CEP63: variants seen among roughly 807,000 people sequenced by gnomAD.
The protein encoded by CEP63 is centrosomal protein of 63 kDa.
In CEP63, 84 loss-of-function variants were observed where a neutral mutation model predicts 89.1. That is an observed-to-expected ratio of 0.94 (90% CI 0.79 to 1.13). The LOEUF (loss-of-function observed/expected upper bound fraction) is 1.13, where lower values mean the gene tolerates loss of function less well. Among genes scored for constraint, CEP63 ranks in the 50% most tolerant of loss-of-function variants. CEP63 has a pLI of 0.00. For synonymous variants in CEP63, 267 were observed against 272.5 expected, an observed-to-expected ratio of 0.98 and a Z score of 0.20; for missense variants, 838 against 813.3, an observed-to-expected ratio of 1.03 and a Z score of -0.37.
chr3:134,651,549 G>A, the CEP63 span: 1 of 992,580 alleles, frequency 1.0e-6, no homozygotes, highest in Non-Finnish European at 1.2e-6. Context: ...CTCCTTCCCT[G>A]GGTTGGTTTT....
At chr3:134,763,414 T>C in the CEP63 span, among the ~76,000 whole-genome samples, 1 of 152,288 alleles carries the variant, frequency 6.6e-6, no homozygotes, top group South Asian at 2.1e-4. Flanking sequence ...CGAATCTGCT[T>C]TTCTCTTATG....
At chr3:134,554,351 GTGATAGTTTAC>G (rs1382849377) in intron 12 of CEP63, among the ~76,000 whole-genome samples, 1 of 148,962 alleles carries the variant, frequency 6.7e-6, no homozygotes, top group African/African-American at 2.5e-5. Context: ...TTTTGTTCTT[GTGATAGTTTAC>G]TGAGAATGAT....
the CEP63 span, among the ~76,000 whole-genome samples, chr3:134,652,659 C>T: frequency 5.3e-4 from 50 of 94,678 alleles, no homozygotes; most frequent in African/African-American, 1.4e-3. Context: ...CACACACACG[C>T]GCGCGCGCAC....
At chr3:134,550,538 G>A (rs1346915492) in intron 11 of CEP63, among the ~76,000 whole-genome samples, 1 of 152,154 alleles carries the variant, frequency 6.6e-6, no homozygotes, top group Non-Finnish European at 1.5e-5. Flanking sequence ...CCTTCCAGAA[G>A]GTGTGATAGC....
the CEP63 span, among the ~76,000 whole-genome samples, chr3:134,655,229 T>A: frequency 6.6e-6 from 1 of 152,316 alleles, no homozygotes; most frequent in Non-Finnish European, 1.5e-5. Flanking sequence ...GTTTCACAGT[T>A]GGAGATGGAG....
At chr3:134,692,009 C>A in the CEP63 span, among the ~76,000 whole-genome samples, 4 of 152,120 alleles carry the variant, frequency 2.6e-5, no homozygotes. Context: ...CATGCCCAGC[C>A]GGCATTCTTT....
the CEP63 span, among the ~76,000 whole-genome samples, chr3:134,685,138 C>T: frequency 6.6e-6 from 1 of 152,200 alleles, no homozygotes; most frequent in South Asian, 2.1e-4. Flanking sequence ...ATGGATTAAA[C>T]TTATAACCTA....
the CEP63 span, among the ~76,000 whole-genome samples, chr3:134,747,937 C>T: frequency 6.6e-6 from 1 of 152,148 alleles, no homozygotes; most frequent in Admixed American, 6.5e-5. Context: ...AGGTGCCCGC[C>T]ACCATGCCCG....
the CEP63 span, among the ~76,000 whole-genome samples, chr3:134,736,569 A>G: frequency 6.6e-6 from 1 of 152,198 alleles, no homozygotes; most frequent in Non-Finnish European, 1.5e-5. Context: ...AACAACAACA[A>G]AAATGTAAGG....
At chr3:134,586,864 A>G (rs979975602) in intron 10 of CEP63, among the ~76,000 whole-genome samples, 1 of 152,056 alleles carries the variant, frequency 6.6e-6, no homozygotes, top group East Asian at 1.9e-4. Flanking sequence ...ACATAGTCCC[A>G]TATTTCTTGT....
chr3:134,561,823 A>C lies in CEP63; in HGVS notation c.*288A>C. 8.2e-7 allele frequency: 1 copy of C among 1,213,214 alleles called. No homozygotes were observed. The highest frequency in any genetic ancestry group is 1.0e-6 in the Non-Finnish European group (1 of 965,668). The allele number at this position is 1,213,214 out of a possible 1,614,324, so 75.2% of individuals were successfully genotyped here. On this transcript the variant is annotated 3_prime_UTR_variant, in exon 15 of 15. Transcript: ENST00000675561. ...AAAGTGATACTTACCTTGCTGACTT[A>C]AATGTGAATAGCTATGTACTAATTG...
chr3:134,526,318 T>A (rs73221342), intron 3 of CEP63, among the ~76,000 whole-genome samples: 44,446 of 151,898 alleles, frequency 0.29, 8,125 homozygotes, highest in East Asian at 0.6. Flanking sequence ...CTATTTTGTC[T>A]GTCAGTGACT....
At chr3:134,640,639 G>A in the CEP63 span, among the ~76,000 whole-genome samples, 15 of 152,280 alleles carry the variant, frequency 9.9e-5, no homozygotes, top group African/African-American at 3.6e-4. Flanking sequence ...ATGGAGTAAC[G>A]ATTCCCTGGC....
chr3:134,558,115 A>G (rs1282393139), intron 12 of CEP63, 27 bp from the exon 13 acceptor site: 1 of 1,565,378 alleles, frequency 6.4e-7, no homozygotes, highest in Admixed American at 1.7e-5. Context: ...GTACAGATTA[A>G]GTGACTCTAG....
the CEP63 span, among the ~76,000 whole-genome samples, chr3:134,692,356 G>A: frequency 1.3e-5 from 2 of 151,202 alleles, no homozygotes; most frequent in African/African-American, 2.4e-5. Flanking sequence ...GGGAACATGC[G>A]GTGTTTGTTT....
At chr3:134,651,163 C>T in the CEP63 span, 1 of 1,428,498 alleles carries the variant, frequency 7.0e-7, no homozygotes, top group Non-Finnish European at 9.2e-7. Context: ...AGGGCGCTAC[C>T]CTAATGAAGC....
the CEP63 span, among the ~76,000 whole-genome samples, chr3:134,767,953 A>G: frequency 1.3e-5 from 2 of 152,212 alleles, no homozygotes; most frequent in African/African-American, 2.4e-5. Flanking sequence ...TGATCAGTCA[A>G]ATAAAACTAG....
the CEP63 span, among the ~76,000 whole-genome samples, chr3:134,690,506 T>C: frequency 0.28 from 41,889 of 152,032 alleles, 5,829 homozygotes; most frequent in Middle Eastern, 0.31. Flanking sequence ...ATGCTGCCTC[T>C]GATGCCAGTT....
chr3:134,632,968 A>G, the CEP63 span, among the ~76,000 whole-genome samples: 2 of 152,052 alleles, frequency 1.3e-5, no homozygotes, highest in Non-Finnish European at 2.9e-5. Flanking sequence ...ATAATAATAA[A>G]GGAATGCTAC....
Sources: gnomAD v4.1 joint callset for allele counts (sites outside exome capture counted in the v4.1 genomes callset) on GRCh38, gnomAD v4.1.1 for gene constraint, MANE v1.5 for transcripts, NCBI Gene and HGNC (gene_info 2026-07-23, HGNC 2026-07-21) for gene names.